Variants in ERAP1 observed in about 807,000 individuals in gnomAD.
ERAP1 encodes the protein endoplasmic reticulum aminopeptidase 1, also known as adipocyte-derived leucine aminopeptidase.
ERAP1 carries 86 observed loss-of-function variants against 103.7 expected under a neutral mutation model. The ratio of observed to expected loss-of-function variants is 0.83; its 90% CI spans 0.70 to 0.99. ERAP1 has a LOEUF of 0.99. Among genes scored for constraint, ERAP1 ranks in the 50% least tolerant of loss-of-function variants. ERAP1 has a pLI of 0.00. For synonymous variants in ERAP1, 398 were observed against 402.4 expected (o/e 0.99, Z 0.13); for missense variants, 1,009 against 1,128.4 (o/e 0.89, Z 1.52).
At chr5:96,904,559 G>C in the ERAP1 span, among the ~76,000 whole-genome samples, 7 of 152,092 alleles carry the variant, frequency 4.6e-5, no homozygotes, top group Admixed American at 1.3e-4. Context: ...GCTCATTGGA[G>C]GCCAAAATTA....
the ERAP1 span, among the ~76,000 whole-genome samples, chr5:96,821,329 A>T: frequency 6.6e-6 from 1 of 152,238 alleles, no homozygotes; most frequent in Non-Finnish European, 1.5e-5. Context: ...AGCCAAGATG[A>T]CATATAAAAT....
chr5:96,895,166 T>C, the ERAP1 span: 1 of 780,012 alleles, frequency 1.3e-6, no homozygotes, highest in South Asian at 1.7e-5. Context: ...AAAAAAAAGT[T>C]AGTAACTATT....
intron 2 of ERAP1, among the ~76,000 whole-genome samples, chr5:96,802,791 C>G (rs1336422628): frequency 1.3e-5 from 2 of 152,088 alleles, no homozygotes; most frequent in Non-Finnish European, 2.9e-5. Context: ...GGCCACCAGG[C>G]TGGGCCCTAA....
chr5:96,787,457 T>A (rs467735), intron 11 of ERAP1, among the ~76,000 whole-genome samples: 2 of 151,654 alleles, frequency 1.3e-5, no homozygotes, highest in African/African-American at 4.9e-5. Flanking sequence ...GTAGAGATGG[T>A]GTTTCACCAT....
At chr5:96,867,545 T>C in the ERAP1 span, among the ~76,000 whole-genome samples, 86 of 152,264 alleles carry the variant, frequency 5.6e-4, no homozygotes, top group African/African-American at 2.0e-3. Flanking sequence ...TGTCTGGTAT[T>C]GGATGCTGGC....
intron 11 of ERAP1, 47 bp from the exon 12 acceptor site, chr5:96,786,596 C>T (rs771065333): frequency 9.4e-6 from 12 of 1,272,940 alleles, no homozygotes; most frequent in Admixed American, 1.7e-5. Context: ...TTCAATTCAA[C>T]AAGCAGTTAT....
At chr5:96,921,290 A>C in the ERAP1 span, among the ~76,000 whole-genome samples, 1 of 152,252 alleles carries the variant, frequency 6.6e-6, no homozygotes, top group South Asian at 2.1e-4. Flanking sequence ...CCAGGTCATC[A>C]ATGCATTAAA....
chr5:96,892,084 A>G, the ERAP1 span, among the ~76,000 whole-genome samples: 9 of 152,304 alleles, frequency 5.9e-5, no homozygotes, highest in Admixed American at 5.2e-4. Flanking sequence ...TACTTCATCT[A>G]CAAAACTCTT....
the ERAP1 span, among the ~76,000 whole-genome samples, chr5:96,835,524 G>C: frequency 0.47 from 71,796 of 151,736 alleles, 17,257 homozygotes; most frequent in Non-Finnish European, 0.51. Flanking sequence ...AAGTTTATTT[G>C]TACGAAATGA....
the ERAP1 span, chr5:96,813,976 A>G: frequency 5.7e-6 from 1 of 176,228 alleles, no homozygotes; most frequent in South Asian, 1.2e-4. Flanking sequence ...AGTGTCTCTT[A>G]TTGTTAATTT....
rs145902131 is a variant in ERAP1, at chr5:96,767,138, C to T, written c.2819-3910G>A. ...AAAACACAAGTAACTTTTTATAACA[C>T]TTTAAGTAGAATTATAAGTGATAAT... On this transcript the variant is annotated intron_variant, in intron 19 of 19. Coordinates refer to the ERAP1 transcript ENST00000296754. Among the ~76,000 whole-genome samples, 527 of 152,292 alleles carry T rather than the reference C, an allele frequency of 3.5e-3. 1 individual carries two copies. The highest frequency in any genetic ancestry group is 0.012 in the African/African-American group (498 of 41,568).
chr5:96,823,841 G>A, the ERAP1 span, among the ~76,000 whole-genome samples: 2 of 152,148 alleles, frequency 1.3e-5, no homozygotes, highest in South Asian at 4.1e-4. Context: ...GTACTTTACT[G>A]CTTCTCATTG....
At chr5:96,891,538 AC>A in the ERAP1 span, among the ~76,000 whole-genome samples, 1 of 22,156 alleles carries the variant, frequency 4.5e-5, no homozygotes. Context: ...GTATATATAC[AC>A]ACACACACAC....
chr5:96,777,606 T>C (rs1377517811), intron 18 of ERAP1, among the ~76,000 whole-genome samples: 1 of 107,004 alleles, frequency 9.3e-6, no homozygotes, highest in Non-Finnish European at 2.0e-5. Context: ...CTTCACTCTC[T>C]ACTTTAAGTT....
the ERAP1 span, among the ~76,000 whole-genome samples, chr5:96,928,460 G>A: frequency 6.6e-6 from 1 of 152,164 alleles, no homozygotes; most frequent in Non-Finnish European, 1.5e-5. Flanking sequence ...TTGGACACAG[G>A]TATGCACACA....
chr5:96,900,184 A>C, the ERAP1 span: 1 of 1,613,812 alleles, frequency 6.2e-7, no homozygotes, highest in Non-Finnish European at 8.5e-7. Context: ...GATGACAAGT[A>C]ACATGGTAAG....
At chr5:96,799,726 A>C (rs1777769012) in intron 3 of ERAP1, among the ~76,000 whole-genome samples, 1 of 152,236 alleles carries the variant, frequency 6.6e-6, no homozygotes, top group Non-Finnish European at 1.5e-5. Flanking sequence ...ATATTTTGAA[A>C]AAGCACATCC....
At chr5:96,896,071 C>T in the ERAP1 span, among the ~76,000 whole-genome samples, 12 of 152,050 alleles carry the variant, frequency 7.9e-5, no homozygotes, top group African/African-American at 2.9e-4. Context: ...GGTCTAGGCA[C>T]GTAACAAGTA....
chr5:96,905,919 G>C, the ERAP1 span, among the ~76,000 whole-genome samples: 2 of 150,230 alleles, frequency 1.3e-5, no homozygotes, highest in Admixed American at 6.8e-5. Context: ...ATTTAGTTTG[G>C]AGAGATAATT....
Sources: gnomAD v4.1 joint callset for allele counts (sites outside exome capture counted in the v4.1 genomes callset) on GRCh38, gnomAD v4.1.1 for gene constraint, MANE v1.5 for transcripts, NCBI Gene and HGNC (gene_info 2026-07-23, HGNC 2026-07-21) for gene names.